The following DNAH12 variants were observed in gnomAD, a reference collection of about 807,000 sequenced individuals.
DNAH12 encodes dynein axonemal heavy chain 12, also known as axonemal beta dynein heavy chain 12.
DNAH12 carries 285 observed loss-of-function variants against 371.5 expected under a neutral mutation model. The observed-to-expected ratio is 0.77, with a 90% CI of 0.70 to 0.85. The LOEUF is 0.85. Ranked by LOEUF, DNAH12 falls within the 40% of genes least tolerant of loss-of-function variation. The probability of loss-of-function intolerance (pLI) is 0.00; values close to 1 mark genes in which losing one functional copy is unlikely to be tolerated. For missense variants in DNAH12, 3,611 were observed against 3,689.4 expected (o/e 0.98, Z 0.55); for synonymous variants, 1,200 against 1,213.0 (o/e 0.99, Z 0.22).
chr3:57,322,795 T>G (rs918437150), intron 64 of DNAH12, among the ~76,000 whole-genome samples: 2 of 152,118 alleles, frequency 1.3e-5, no homozygotes, highest in Non-Finnish European at 2.9e-5. Flanking sequence ...CCGAGCATGG[T>G]GGTATGCGCC....
At chr3:57,297,092 A>T in intron 70 of DNAH12, 108 bp from the exon 71 acceptor site, 1 of 1,278,324 alleles carries the variant, frequency 7.8e-7, no homozygotes, top group African/African-American at 1.5e-5. Context: ...CACATTTTCC[A>T]TCACGAGGCC....
chr3:57,473,041 A>T (rs1481669913), intron 13 of DNAH12, among the ~76,000 whole-genome samples: 3 of 151,360 alleles, frequency 2.0e-5, no homozygotes, highest in African/African-American at 4.9e-5. Flanking sequence ...ATTCTTATAA[A>T]TATTTTATTT....
At chr3:57,528,008 T>A (rs1485121700) in intron 2 of DNAH12, among the ~76,000 whole-genome samples, 2 of 114,488 alleles carry the variant, frequency 1.7e-5, no homozygotes, top group African/African-American at 7.3e-5. Context: ...TTTCGTAGTC[T>A]TAGATTTAAG....
intron 30 of DNAH12, among the ~76,000 whole-genome samples, chr3:57,436,730 T>G (rs1002588097): frequency 2.0e-5 from 3 of 152,170 alleles, no homozygotes; most frequent in African/African-American, 4.8e-5. Context: ...GTGGTATTTA[T>G]TAGTACTAGG....
At chr3:57,470,378 C>T in intron 16 of DNAH12, 65 bp downstream of exon 16, 2 of 1,361,298 alleles carry the variant, frequency 1.5e-6, no homozygotes, top group Non-Finnish European at 9.8e-7. Flanking sequence ...AAAAAAAAAT[C>T]AATTTATATT....
chr3:57,514,204 G>A (rs2068099545), intron 4 of DNAH12, among the ~76,000 whole-genome samples: 1 of 152,012 alleles, frequency 6.6e-6, no homozygotes, highest in Non-Finnish European at 1.5e-5. Flanking sequence ...AACCAGCCTG[G>A]CCAACATGGT....
intron 69 of DNAH12, among the ~76,000 whole-genome samples, chr3:57,305,639 C>CGGCAA (rs1226530626): frequency 6.6e-6 from 1 of 152,104 alleles, no homozygotes; most frequent in Non-Finnish European, 1.5e-5. Flanking sequence ...ACTCATTTGG[C>CGGCAA]GGCAACCCTG....
At chr3:57,480,650 C>T (rs1370036400) in intron 13 of DNAH12, among the ~76,000 whole-genome samples, 3 of 152,024 alleles carry the variant, frequency 2.0e-5, no homozygotes, top group Non-Finnish European at 4.4e-5. Context: ...CCCTGATGAA[C>T]GTCGATGCAA....
chr3:57,529,533 A>G (rs1575739316), intron 2 of DNAH12, among the ~76,000 whole-genome samples: 1 of 152,184 alleles, frequency 6.6e-6, no homozygotes, highest in Admixed American at 6.6e-5. Flanking sequence ...ACAGTTGCTC[A>G]TCATAGCCAC....
intron 19 of DNAH12, 88 bp from the exon 20 acceptor site, chr3:57,459,874 TA>T (rs1482663431): frequency 1.9e-5 from 21 of 1,089,990 alleles, no homozygotes; most frequent in Non-Finnish European, 2.4e-5. Flanking sequence ...AATTTACTAT[TA>T]TTTTTAAATA....
chr3:57,432,260 C>T (rs969460133), intron 32 of DNAH12, among the ~76,000 whole-genome samples: 5 of 148,268 alleles, frequency 3.4e-5, no homozygotes, highest in Admixed American at 2.0e-4. Flanking sequence ...ACCTCTGCCT[C>T]CTGGGTTCAA....
intron 13 of DNAH12, among the ~76,000 whole-genome samples, chr3:57,473,737 T>C (rs940892489): frequency 6.6e-6 from 1 of 150,640 alleles, no homozygotes; most frequent in Non-Finnish European, 1.5e-5. Context: ...AAATTATGTA[T>C]TGAAAATAAC....
At chr3:57,299,169 G>A (rs2061294467) in intron 70 of DNAH12, among the ~76,000 whole-genome samples, 2 of 152,162 alleles carry the variant, frequency 1.3e-5, no homozygotes, top group South Asian at 4.1e-4. Context: ...AAGCTGTAAA[G>A]ACCCACAAGG....
chr3:57,485,186 T>C (rs942384554), intron 12 of DNAH12, among the ~76,000 whole-genome samples: 3 of 152,162 alleles, frequency 2.0e-5, no homozygotes, highest in Non-Finnish European at 4.4e-5. Flanking sequence ...ACTAGGTATC[T>C]ACCCAAAGGA....
intron 62 of DNAH12, among the ~76,000 whole-genome samples, chr3:57,329,248 T>C (rs1322262730): frequency 3.6e-5 from 5 of 139,944 alleles, no homozygotes; most frequent in African/African-American, 1.5e-4. Context: ...GAGCCTGCAT[T>C]GCCAAGTCAA....
chr3:57,303,400 TTTC>T (rs1458344111), intron 69 of DNAH12, among the ~76,000 whole-genome samples: 1 of 149,976 alleles, frequency 6.7e-6, no homozygotes, highest in African/African-American at 2.4e-5. Context: ...GAACTTTTTC[TTTC>T]TTTTCTTTTT....
chr3:57,329,001 C>T (rs2062021244), intron 62 of DNAH12, among the ~76,000 whole-genome samples: 2 of 146,000 alleles, frequency 1.4e-5, no homozygotes, highest in African/African-American at 2.6e-5. Context: ...ATCCACCTTA[C>T]AAGGGACGTG....
intron 25 of DNAH12, among the ~76,000 whole-genome samples, chr3:57,450,819 C>T (rs917640168): frequency 6.6e-6 from 1 of 152,164 alleles, no homozygotes; most frequent in Non-Finnish European, 1.5e-5. Flanking sequence ...TTGCCCTACC[C>T]AGAGCCCCTT....
At chr3:57,506,085 T>C (rs2067748833) in intron 8 of DNAH12, among the ~76,000 whole-genome samples, 1 of 152,126 alleles carries the variant, frequency 6.6e-6, no homozygotes, top group South Asian at 2.1e-4. Flanking sequence ...AATCTTAAAA[T>C]GGTGACTCAG....
Sources: gnomAD v4.1 joint callset for allele counts (sites outside exome capture counted in the v4.1 genomes callset) on GRCh38, gnomAD v4.1.1 for gene constraint, MANE v1.5 for transcripts, NCBI Gene and HGNC (gene_info 2026-07-23, HGNC 2026-07-21) for gene names.